SCGB2B2: variants seen among roughly 807,000 people sequenced by gnomAD.
SCGB2B2 encodes secretoglobin-like protein.
Under a neutral mutation model 7.6 loss-of-function variants are expected in SCGB2B2, and 11 were observed. The observed-to-expected ratio is 1.45, with a 90% confidence interval of 0.91 to 2.40. SCGB2B2 has a LOEUF of 2.40. Ranked by LOEUF, SCGB2B2 falls within the 30% of genes most tolerant of loss-of-function variation. The probability of loss-of-function intolerance (pLI) is 0.00; values close to 1 mark genes in which losing one functional copy is unlikely to be tolerated. For missense variants in SCGB2B2, 104 were observed against 115.4 expected (o/e 0.90, Z 0.45); for synonymous variants, 50 against 48.6 (o/e 1.03, Z -0.12).
chr19:34,615,122 C>T (rs2066035162), intron 1 of SCGB2B2, among the ~76,000 whole-genome samples: 1 of 152,104 alleles, frequency 6.6e-6, no homozygotes. Flanking sequence ...TGGCTATTAG[C>T]CCCCAGAACA....
intron 1 of SCGB2B2, among the ~76,000 whole-genome samples, chr19:34,601,828 T>C (rs1055934112): frequency 6.6e-6 from 1 of 152,202 alleles, no homozygotes; most frequent in Non-Finnish European, 1.5e-5. Flanking sequence ...TCTAACACAG[T>C]GTTGGGTAAC....
At chr19:34,658,823 A>C (rs868099710) in intron 1 of SCGB2B2, among the ~76,000 whole-genome samples, 7,366 of 145,828 alleles carry the variant, frequency 0.051, 210 homozygotes, top group Middle Eastern at 0.12. Flanking sequence ...CAAAAAAAAA[A>C]AAAAAAAAAA....
Position 34,595,852 on chromosome 19 carries a change from A to T in SCGB2B2, c.-1289T>A, listed in dbSNP as rs552323490. On this transcript the variant is annotated 5_prime_UTR_variant, in exon 2 of 4. Coordinates refer to ENST00000601241, the MANE Select transcript of SCGB2B2 (RefSeq NM_001025591.4). ...GGTGGGGAAGGCAGCAGGGATGCTG[A>T]CGCTTGTACACTCGGGTGCCAGTGC... 1.3e-5 allele frequency: 2 copies of T among 152,242 alleles called. No homozygotes were observed. The highest frequency in any genetic ancestry group is 2.9e-5 in the Non-Finnish European group (2 of 68,078). 9.4% of individuals were successfully genotyped at this position (152,242 alleles called of 1,614,324 possible).
chr19:34,616,953 C>T (rs2066100740), intron 1 of SCGB2B2, among the ~76,000 whole-genome samples: 1 of 152,184 alleles, frequency 6.6e-6, no homozygotes, highest in Admixed American at 6.5e-5. Context: ...ATCCTTTCCC[C>T]ATTGCTTGTT....
chr19:34,668,237 A>T (rs1322347880), intron 1 of SCGB2B2, among the ~76,000 whole-genome samples: 3 of 151,810 alleles, frequency 2.0e-5, no homozygotes, highest in Non-Finnish European at 4.4e-5. Flanking sequence ...GGCGCTTGCG[A>T]GCCAGCTGGA....
At chr19:34,671,420 C>T (rs916977947) in intron 1 of SCGB2B2, among the ~76,000 whole-genome samples, 2 of 150,268 alleles carry the variant, frequency 1.3e-5, no homozygotes, top group Non-Finnish European at 3.0e-5. Flanking sequence ...GCAATGTAAT[C>T]GTTTAACTTT....
intron 1 of SCGB2B2, among the ~76,000 whole-genome samples, chr19:34,651,837 C>T (rs149495844): frequency 6.6e-6 from 1 of 151,244 alleles, no homozygotes; most frequent in Non-Finnish European, 1.5e-5. Flanking sequence ...CCTGAGCAAA[C>T]AAAACAAAGC....
chr19:34,640,586 A>T (rs1054178924), intron 1 of SCGB2B2: 31 of 152,200 alleles, frequency 2.0e-4, no homozygotes, highest in African/African-American at 7.2e-4. Flanking sequence ...GAAGAAAAAA[A>T]ATTTTTTTTA....
Position 34,593,306 on chromosome 19 carries a change from G to A in SCGB2B2, c.*249C>T, listed in dbSNP as rs936364436. 23 of 418,922 alleles carry A rather than the reference G, an allele frequency of 5.5e-5. No homozygotes were observed. Among genetic ancestry groups the A allele is most frequent in the South Asian group, 9.8e-5 (2 of 20,396 alleles). The allele number at this position is 418,922 out of a possible 1,614,324, so 26.0% of individuals were successfully genotyped here. A position where few individuals can be genotyped will look rare whatever the true frequency, so the allele number is the denominator to read the frequency against. On this transcript the variant is annotated 3_prime_UTR_variant, in exon 4 of 4. Transcript: ENST00000601241. ...ATGCACTCCAGCCACCCTCCTCCCC[G>A]CCAAAAAGAAAACAGGCATGTCTAT...
intron 1 of SCGB2B2, among the ~76,000 whole-genome samples, chr19:34,611,454 T>C (rs1004478662): frequency 1.3e-5 from 2 of 152,090 alleles, no homozygotes; most frequent in Non-Finnish European, 2.9e-5. Context: ...GTACTTACTA[T>C]TAAACTTCCC....
At chr19:34,601,651 G>A (rs2065626396) in intron 1 of SCGB2B2, among the ~76,000 whole-genome samples, 1 of 152,084 alleles carries the variant, frequency 6.6e-6, no homozygotes, top group Admixed American at 6.5e-5. Flanking sequence ...TGTTGTATAG[G>A]AAATTTTAAT....
intron 1 of SCGB2B2, among the ~76,000 whole-genome samples, chr19:34,663,888 GA>G (rs1271859892): frequency 2.0e-5 from 3 of 152,100 alleles, no homozygotes; most frequent in Non-Finnish European, 4.4e-5. Flanking sequence ...GGGGGGAAGA[GA>G]CAATGGGGAG....
rs933067163 is a variant in SCGB2B2, at chr19:34,676,620, A to AT, written c.-3023dup. Reference sequence around the variant, plus strand: ...GGCTTTGCACTGTGCTCTCCCATGGATTTTTTCTTGCGTGAGCTCTAAGAA... The same window carrying AT: ...GGCTTTGCACTGTGCTCTCCCATGGATTTTTTTCTTGCGTGAGCTCTAAGAA... On this transcript the variant is annotated 5_prime_UTR_variant, in exon 1 of 4. It introduces an in-frame stop codon into an upstream open reading frame of the 5' UTR. Transcript: ENST00000601241. 2.6e-5 allele frequency: 4 copies of AT among 151,822 alleles called. No individual in the cohort carries two copies. The highest frequency in any genetic ancestry group is 1.9e-4 in the East Asian group (1 of 5,138). 9.4% of individuals were successfully genotyped at this position (151,822 alleles called of 1,614,324 possible). A position where few individuals can be genotyped will look rare whatever the true frequency, so the allele number is the denominator to read the frequency against.
At chr19:34,645,535 GACACAGACACACACACACACAC>G (rs2066983549) in intron 1 of SCGB2B2, 3 of 138,518 alleles carry the variant, frequency 2.2e-5, no homozygotes, top group Non-Finnish European at 4.3e-5. Context: ...GACACACACA[GACACAGACACACACACACACAC>G]ACACACACAC....
At chr19:34,602,083 T>G (rs2065641613) in intron 1 of SCGB2B2, among the ~76,000 whole-genome samples, 2 of 152,206 alleles carry the variant, frequency 1.3e-5, no homozygotes, top group South Asian at 2.1e-4. Flanking sequence ...ATACTTTTGG[T>G]AGACACTCTT....
intron 1 of SCGB2B2, chr19:34,645,985 T>A (rs2067000125): frequency 3.0e-6 from 1 of 330,348 alleles, no homozygotes; most frequent in East Asian, 9.0e-5. Flanking sequence ...CCCAGCCCCC[T>A]GACAGAGGAG....
At chr19:34,589,333 G>A (rs1005419270), downstream of SCGB2B2, among the ~76,000 whole-genome samples, 13 of 151,960 alleles carry the variant, frequency 8.6e-5, no homozygotes, top group Non-Finnish European at 1.5e-4. Context: ...TCTTCTACCA[G>A]GGAGTGGCTC....
chr19:34,669,388 C>A (rs2067736520), intron 1 of SCGB2B2, among the ~76,000 whole-genome samples: 1 of 152,260 alleles, frequency 6.6e-6, no homozygotes, highest in Non-Finnish European at 1.5e-5. Context: ...CCCATTCAGA[C>A]AAACAAACTC....
At chr19:34,636,844 C>T (rs553832991) in intron 1 of SCGB2B2, among the ~76,000 whole-genome samples, 1 of 152,074 alleles carries the variant, frequency 6.6e-6, no homozygotes, top group Non-Finnish European at 1.5e-5. Flanking sequence ...CCAGTCCCCG[C>T]CAGAGTCCCT....
Sources: allele counts gnomAD v4.1 joint callset (sites outside exome capture counted in the v4.1 genomes callset), GRCh38; gene constraint gnomAD v4.1.1; transcripts MANE v1.5; gene names NCBI Gene and HGNC (gene_info 2026-07-23, HGNC 2026-07-21).